Variants in PARN observed in about 807,000 individuals in gnomAD.
The protein encoded by PARN is poly(A)-specific ribonuclease.
Under a neutral mutation model 102.8 loss-of-function variants are expected in PARN, and 71 were observed. The observed-to-expected ratio is 0.69, with a 90% CI of 0.57 to 0.84. The LOEUF is 0.84. PARN is among the 40% of genes least tolerant of loss of function. PARN has a pLI of 0.00. For missense variants in PARN, 782 were observed against 760.9 expected (o/e 1.03, Z -0.33); for synonymous variants, 261 against 252.9 (o/e 1.03, Z -0.30).
chr16:14,520,484 T>G (rs1965681351), intron 21 of PARN, among the ~76,000 whole-genome samples: 2 of 152,044 alleles, frequency 1.3e-5, no homozygotes, highest in African/African-American at 4.8e-5. Context: ...TCTCAGCACT[T>G]TGGGAGGCCA....
intron 22 of PARN, among the ~76,000 whole-genome samples, chr16:14,466,876 C>T (rs1962391546): frequency 6.6e-6 from 1 of 152,080 alleles, no homozygotes; most frequent in South Asian, 2.1e-4. Flanking sequence ...TTCCTATAAA[C>T]CCACTAACAC....
chr16:14,524,987 G>C (rs1318511785), intron 21 of PARN, among the ~76,000 whole-genome samples: 2 of 152,168 alleles, frequency 1.3e-5, no homozygotes. Flanking sequence ...AAAAGAGAAG[G>C]ATTTAAACAA....
intron 21 of PARN, among the ~76,000 whole-genome samples, chr16:14,497,701 G>C (rs1673974818): frequency 1.3e-5 from 2 of 152,162 alleles, no homozygotes; most frequent in Non-Finnish European, 2.9e-5. Flanking sequence ...GAAAAGCTTA[G>C]TCTGTTTGTG....
intron 22 of PARN, among the ~76,000 whole-genome samples, chr16:14,447,322 T>C (rs1450084234): frequency 6.6e-6 from 1 of 152,216 alleles, no homozygotes; most frequent in Non-Finnish European, 1.5e-5. Context: ...TATACACAAA[T>C]TTAAGCTGAT....
At chr16:14,451,981 GT>G (rs1240431294) in intron 22 of PARN, among the ~76,000 whole-genome samples, 2 of 149,452 alleles carry the variant, frequency 1.3e-5, no homozygotes, top group Non-Finnish European at 3.0e-5. Context: ...GAGTCTGGGA[GT>G]TTGAGGTTTC....
rs1971195971 is a variant in PARN, at chr16:14,606,532, G to A, written c.660-6C>T. The A allele has an allele frequency of 6.5e-7, 1 of 1,544,150 alleles. No individual in the cohort carries two copies. Among genetic ancestry groups the A allele is most frequent in the Non-Finnish European group, 8.9e-7 (1 of 1,128,026 alleles). Reference sequence around the variant, plus strand: ...CATGAATGCCTTTCGGATACCTAAAGAAAAGAAAAACATAGTATCAGTAGA... The same window carrying A: ...CATGAATGCCTTTCGGATACCTAAAAAAAAGAAAAACATAGTATCAGTAGA... On this transcript the variant is annotated splice_polypyrimidine_tract_variant and splice_region_variant and intron_variant, in intron 9 of 23. Transcript: ENST00000437198.
At chr16:14,481,236 CCAA>C (rs1206884407) in intron 22 of PARN, among the ~76,000 whole-genome samples, 1 of 152,042 alleles carries the variant, frequency 6.6e-6, no homozygotes, top group Non-Finnish European at 1.5e-5. Flanking sequence ...ATTCAAATGT[CCAA>C]CATCAAGAGA....
At chr16:14,567,812 C>A (rs1349287607) in intron 18 of PARN, among the ~76,000 whole-genome samples, 2 of 152,190 alleles carry the variant, frequency 1.3e-5, no homozygotes, top group Admixed American at 1.3e-4. Flanking sequence ...GCCTCACCAG[C>A]GTCAGAAGGC....
chr16:14,462,967 C>G (rs1567294387), intron 22 of PARN, among the ~76,000 whole-genome samples: 2 of 152,180 alleles, frequency 1.3e-5, no homozygotes, highest in Admixed American at 1.3e-4. Flanking sequence ...GGTTAGAGAA[C>G]CCTGGGTATC....
intron 21 of PARN, among the ~76,000 whole-genome samples, chr16:14,514,060 G>C (rs1370663879): frequency 6.6e-6 from 1 of 152,146 alleles, no homozygotes; most frequent in East Asian, 1.9e-4. Flanking sequence ...TCAGATTCTA[G>C]TCAAGGAAAC....
intron 21 of PARN, among the ~76,000 whole-genome samples, chr16:14,534,806 C>A (rs1325936337): frequency 6.6e-6 from 1 of 151,738 alleles, no homozygotes; most frequent in Non-Finnish European, 1.5e-5. Context: ...AATAGCTGGA[C>A]TGCATAATGT....
At position 14,482,620 on chromosome 16, in the gene PARN, A is replaced by T. The variant is rs1489034982; in HGVS notation, c.1670+18T>A. The T allele has an allele frequency of 6.4e-7, 1 of 1,553,400 alleles. No individual in the cohort carries two copies. Among genetic ancestry groups the T allele is most frequent in the Non-Finnish European group, 8.7e-7 (1 of 1,150,228 alleles). On this transcript the variant is annotated intron_variant, in intron 22 of 23. Coordinates refer to ENST00000437198, the MANE Select transcript of PARN (RefSeq NM_002582.4). ...GCTAGAACTCTGGCCTTTTAAATTA[A>T]CAGCTGAGAGCTCTTACCTATTGTT...
intron 23 of PARN, 43 bp from the exon 24 acceptor site, chr16:14,436,815 C>A: frequency 6.9e-7 from 1 of 1,446,142 alleles, no homozygotes; most frequent in Non-Finnish European, 9.5e-7. Flanking sequence ...AGGACCAGGA[C>A]GGCACCTTGA....
intron 21 of PARN, among the ~76,000 whole-genome samples, chr16:14,535,831 G>C (rs997252654): frequency 1.3e-5 from 2 of 152,128 alleles, no homozygotes; most frequent in Non-Finnish European, 2.9e-5. Context: ...AGGAAAAACA[G>C]AGTACATACA....
intron 23 of PARN, among the ~76,000 whole-genome samples, chr16:14,446,055 A>G (rs1596430871): frequency 6.6e-6 from 1 of 152,378 alleles, no homozygotes; most frequent in Non-Finnish European, 1.5e-5. Flanking sequence ...AGCAGTGGCT[A>G]TGATTACTGT....
At chr16:14,480,130 C>T (rs531304240) in intron 22 of PARN, among the ~76,000 whole-genome samples, 20 of 152,032 alleles carry the variant, frequency 1.3e-4, no homozygotes, top group African/African-American at 4.3e-4. Context: ...GCCAGGAGTT[C>T]GAGGCCAGCC....
chr16:14,493,264 G>T (rs1018377600), intron 21 of PARN, among the ~76,000 whole-genome samples: 2 of 152,140 alleles, frequency 1.3e-5, no homozygotes, highest in Non-Finnish European at 2.9e-5. Flanking sequence ...TCCCCAGGCT[G>T]GAGTGCAGTG....
At position 14,610,766 on chromosome 16, in the gene PARN, C is replaced by T; in HGVS notation, c.432G>A (p.Glu144=). The change falls in exon 7 of 24, where the codon GAG becomes GAA. Residue 144 remains glutamate (E), a synonymous_variant. Coordinates refer to ENST00000437198, the MANE Select transcript of PARN (RefSeq NM_002582.4). ...CCTGTGAACGTTTTTCATCATACTG[C>T]TCTCTTAACTGTCTTTCTTCTTCCT... is the stretch of plus-strand genomic sequence containing the variant. ...LNQEEERQLR[E]QYDEKRSQAN... 1 of 1,611,476 alleles carries T rather than the reference C, an allele frequency of 6.2e-7. No homozygotes were observed.
chr16:14,570,202 A>G (rs912858273), intron 18 of PARN, among the ~76,000 whole-genome samples: 2 of 151,018 alleles, frequency 1.3e-5, no homozygotes, highest in South Asian at 4.2e-4. Context: ...AGCAGGGTGC[A>G]GTGGCACGTG....
Sources: gnomAD v4.1 joint callset for allele counts (sites outside exome capture counted in the v4.1 genomes callset) on GRCh38, gnomAD v4.1.1 for gene constraint, MANE v1.5 for transcripts, NCBI Gene and HGNC (gene_info 2026-07-23, HGNC 2026-07-21) for gene names.